The following LINS1 variants were observed in gnomAD, a reference collection of about 807,000 sequenced individuals.
LINS1 encodes the protein protein Lines homolog 1.
Under a neutral mutation model 41.6 loss-of-function variants are expected in LINS1, and 27 were observed. That is an observed-to-expected ratio of 0.65 (90% confidence interval 0.48 to 0.89). LINS1 has a LOEUF of 0.89. LINS1 is among the 40% of genes least tolerant of loss of function. The probability of loss-of-function intolerance (pLI) is 0.00; values close to 1 mark genes in which losing one functional copy is unlikely to be tolerated. For missense variants in LINS1, 955 were observed against 884.1 expected, an observed-to-expected ratio of 1.08 and a Z score of -1.02; for synonymous variants, 336 against 312.9, an observed-to-expected ratio of 1.07 and a Z score of -0.78.
At chr15:100,579,008 C>T (rs1378482401) in intron 3 of LINS1, among the ~76,000 whole-genome samples, 2 of 149,330 alleles carry the variant, frequency 1.3e-5, no homozygotes, top group African/African-American at 2.5e-5. Context: ...GGGAACATCA[C>T]ACACCAGGGC....
Position 100,570,061 on chromosome 15 carries a change from G to A in LINS1, c.1451C>T (p.Thr484Ile), listed in dbSNP as rs764987602. Residue 484 changes from threonine (T) to isoleucine (I), a missense_variant, in exon 7 of 7, where the codon ACA becomes ATA. By Grantham distance (89) the Thr-to-Ile change is moderately conservative (BLOSUM62 -1). Transcript: ENST00000314742. ...GTGAGGATTATAGCCATTTTCATGTGTGTGATGGTCCCACATTTCTTTTCC... is the reference window on the plus strand; with the variant it reads ...GTGAGGATTATAGCCATTTTCATGTATGTGATGGTCCCACATTTCTTTTCC... ...TQGKEMWDHHTHENGYNPHCI... is the reference protein window; with the variant it reads ...TQGKEMWDHHIHENGYNPHCI... The A allele has an allele frequency of 1.9e-6, 3 of 1,574,822 alleles. No homozygotes were observed. The Admixed American group carries it at 5.4e-5, about 29-fold the overall frequency.
intron 1 of LINS1, among the ~76,000 whole-genome samples, chr15:100,589,223 A>C (rs1311836871): frequency 6.6e-6 from 1 of 152,264 alleles, no homozygotes; most frequent in East Asian, 1.9e-4. Context: ...AAAAGACTAT[A>C]AGAAAGCATG....
chr15:100,571,928 T>C lies in LINS1; in HGVS notation c.1360A>G (p.Lys454Glu). 6.2e-7 allele frequency: 1 copy of C among 1,614,226 alleles called. No homozygotes were observed. The highest frequency in any genetic ancestry group is 1.1e-5 in the South Asian group (1 of 91,090). The stretch of plus-strand genomic sequence containing the variant: ...GTTAAGTAGATGCCCAGTGATGCCT[T>C]GGCAGCCTCCAGCATGTCATCGTCT... ...EQDDDMLEAA[K>E]ASLGIYLTLT... is the part of the protein sequence containing the mutation. Residue 454 changes from lysine to glutamate, a missense_variant, in exon 6 of 7, where the codon AAG (lysine) becomes GAG (glutamate). Physicochemically the swap from Lys to Glu is moderately conservative, Grantham distance 56. Coordinates refer to ENST00000314742, the MANE Select transcript of LINS1 (RefSeq NM_001040616.3).
At chr15:100,574,315 T>A in intron 4 of LINS1, 74 bp from the exon 5 acceptor site, 2 of 970,730 alleles carry the variant, frequency 2.1e-6, no homozygotes, top group South Asian at 1.4e-5. Context: ...TCACTTTTTA[T>A]AAATATCACT....
At chr15:100,578,745 A>AG (rs2038344171) in intron 3 of LINS1, among the ~76,000 whole-genome samples, 1 of 152,188 alleles carries the variant, frequency 6.6e-6, no homozygotes, top group African/African-American at 2.4e-5. Context: ...TTGTGGCACT[A>AG]CTCACAATAG....
At chr15:100,589,895 T>G (rs570137425) in intron 1 of LINS1, among the ~76,000 whole-genome samples, 1 of 152,384 alleles carries the variant, frequency 6.6e-6, no homozygotes, top group South Asian at 2.1e-4. Flanking sequence ...AAGCTTTTTA[T>G]GGTTTGCTGA....
chr15:100,578,470 G>A (rs80265777), intron 3 of LINS1, among the ~76,000 whole-genome samples: 142,623 of 147,768 alleles, frequency 0.97, 69,158 homozygotes, highest in Non-Finnish European at 1. Context: ...CAAAACCACA[G>A]TGAGATACCA....
intron 3 of LINS1, among the ~76,000 whole-genome samples, chr15:100,576,331 G>A (rs2038175461): frequency 2.6e-5 from 4 of 152,190 alleles, no homozygotes; most frequent in African/African-American, 9.7e-5. Context: ...AATAAAAAAT[G>A]ATAAAGGGAG....
At chr15:100,585,412 T>C (rs115532777) in intron 1 of LINS1, among the ~76,000 whole-genome samples, 3,587 of 152,318 alleles carry the variant, frequency 0.024, 128 homozygotes, top group African/African-American at 0.079. Context: ...GCATCCAGGC[T>C]TTTGTGCTGC....
intron 6 of LINS1, among the ~76,000 whole-genome samples, 159 bp downstream of exon 6, chr15:100,571,735 A>G (rs756528354): frequency 4.6e-5 from 7 of 152,218 alleles, no homozygotes; most frequent in Non-Finnish European, 1.0e-4. Context: ...ATACAAATGC[A>G]ATCTCCTTTT....
chr15:100,587,155 C>CT (rs1182498202), intron 1 of LINS1, among the ~76,000 whole-genome samples: 2 of 18,998 alleles, frequency 1.1e-4, no homozygotes, highest in African/African-American at 3.3e-4. Context: ...GAGACTCTGT[C>CT]TTAAAAAAAA....
chr15:100,597,422 G>T (rs1489243830), intron 1 of LINS1, among the ~76,000 whole-genome samples: 1 of 152,152 alleles, frequency 6.6e-6, no homozygotes, highest in Non-Finnish European at 1.5e-5. Context: ...AAATGGCTGG[G>T]CCCACTTTGG....
intron 3 of LINS1, among the ~76,000 whole-genome samples, chr15:100,577,976 GA>G (rs1173258807): frequency 6.6e-6 from 1 of 152,164 alleles, no homozygotes; most frequent in Non-Finnish European, 1.5e-5. Flanking sequence ...GCCATATGTA[GA>G]AAGCTGAAAC....
At chr15:100,595,852 C>T (rs552702512) in intron 1 of LINS1, among the ~76,000 whole-genome samples, 1 of 152,322 alleles carries the variant, frequency 6.6e-6, no homozygotes, top group Admixed American at 6.5e-5. Flanking sequence ...TGACAACTGT[C>T]GCGGAAGTTG....
intron 3 of LINS1, among the ~76,000 whole-genome samples, chr15:100,579,203 C>A (rs954685466): frequency 1.3e-5 from 2 of 148,234 alleles, no homozygotes; most frequent in Non-Finnish European, 3.0e-5. Flanking sequence ...AAATAAAAAA[C>A]TAAAAATAAA....
In LINS1 at chr15:100,580,328, T is replaced by G. The variant is rs1440367076; in HGVS notation, c.424A>C (p.Lys142Gln). 1 of 1,612,930 alleles carries G rather than the reference T, an allele frequency of 6.2e-7. No homozygotes were observed. Among genetic ancestry groups the G allele is most frequent in the Non-Finnish European group, 8.5e-7 (1 of 1,179,262 alleles). The change falls in exon 3 of 7, where the codon AAA (lysine) becomes CAA (glutamine). Residue 142 changes from lysine (K) to glutamine (Q), a missense_variant. Coordinates refer to ENST00000314742, the MANE Select transcript of LINS1 (RefSeq NM_001040616.3). The stretch of plus-strand genomic sequence containing the variant: ...TGTGCAGCCATGTGAGATAACAATT[T>G]ATCTGAATTTTGGAACATGCAGATC... Reference protein sequence around the residue: ...KLICMFQNSDKLLSHMAAQCL... With the variant: ...KLICMFQNSDQLLSHMAAQCL...
chr15:100,583,194 G>C (rs1305371546), intron 1 of LINS1, among the ~76,000 whole-genome samples: 1 of 150,856 alleles, frequency 6.6e-6, no homozygotes, highest in Non-Finnish European at 1.5e-5. Flanking sequence ...TGGCCCACTA[G>C]CCTAGTCTTG....
intron 1 of LINS1, among the ~76,000 whole-genome samples, chr15:100,594,203 A>AT (rs2039151634): frequency 6.6e-6 from 1 of 152,252 alleles, no homozygotes; most frequent in Admixed American, 6.5e-5. Flanking sequence ...GATTTGTATT[A>AT]TTTTTATTAT....
chr15:100,598,595 G>C (rs1274089124), intron 1 of LINS1, among the ~76,000 whole-genome samples: 1 of 152,154 alleles, frequency 6.6e-6, no homozygotes, highest in East Asian at 1.9e-4. Context: ...AAATTACCAG[G>C]GCAAGAACTA....
Sources: gnomAD v4.1 joint callset for allele counts (sites outside exome capture counted in the v4.1 genomes callset) on GRCh38, gnomAD v4.1.1 for gene constraint, MANE v1.5 for transcripts, NCBI Gene and HGNC (gene_info 2026-07-23, HGNC 2026-07-21) for gene names.